NCKAP5: variants seen among roughly 807,000 people sequenced by gnomAD.
The protein encoded by NCKAP5 is nck-associated protein 5.
In NCKAP5, 92 loss-of-function variants were observed where a neutral mutation model predicts 167.0. The observed-to-expected ratio is 0.55, with a 90% CI of 0.47 to 0.66. The LOEUF (loss-of-function observed/expected upper bound fraction) is 0.66, where lower values mean the gene tolerates loss of function less well. Among genes scored for constraint, NCKAP5 ranks in the 30% least tolerant of loss-of-function variants. The pLI is 0.00. For missense variants in NCKAP5, 2,378 were observed against 2,315.0 expected, an observed-to-expected ratio of 1.03 and a Z score of -0.56; for synonymous variants, 891 against 877.4, an observed-to-expected ratio of 1.02 and a Z score of -0.27.
intron 19 of NCKAP5, among the ~76,000 whole-genome samples, chr2:132,680,540 C>A (rs1182200675): frequency 2.0e-5 from 3 of 151,962 alleles, no homozygotes; most frequent in Admixed American, 1.3e-4. Flanking sequence ...CAGTGGGAAG[C>A]TTAGGGTTGT....
chr2:133,106,160 G>T (rs1357670850), intron 6 of NCKAP5, among the ~76,000 whole-genome samples: 1 of 148,532 alleles, frequency 6.7e-6, no homozygotes, highest in Non-Finnish European at 1.5e-5. Context: ...AGGAGTGGTG[G>T]CAGGCGCCTG....
At chr2:133,048,461 G>GA (rs1196386083) in intron 6 of NCKAP5, among the ~76,000 whole-genome samples, 4 of 152,158 alleles carry the variant, frequency 2.6e-5, no homozygotes, top group African/African-American at 9.7e-5. Flanking sequence ...ATTGATGATT[G>GA]AATATATTTT....
chr2:133,392,282 A>T (rs981574005), intron 3 of NCKAP5, among the ~76,000 whole-genome samples: 8 of 152,196 alleles, frequency 5.3e-5, no homozygotes, highest in Non-Finnish European at 1.0e-4. Context: ...TGTAGAACAT[A>T]ACATGCTGTA....
chr2:133,020,586 T>C (rs764572178), intron 6 of NCKAP5, among the ~76,000 whole-genome samples: 3 of 152,194 alleles, frequency 2.0e-5, no homozygotes, highest in African/African-American at 7.2e-5. Context: ...GAGATGCTGG[T>C]TGGGGCACAG....
chr2:132,877,465 G>A (rs542309753), intron 9 of NCKAP5, among the ~76,000 whole-genome samples: 4 of 152,238 alleles, frequency 2.6e-5, no homozygotes, highest in East Asian at 1.9e-4. Flanking sequence ...CAGCATCATC[G>A]GGAGGGCTTG....
In NCKAP5 at chr2:132,718,992, C is replaced by T. The variant is rs562056668; in HGVS notation, c.5713+6635G>A. Among the ~76,000 whole-genome samples, 4 of 152,238 alleles carry T rather than the reference C, an allele frequency of 2.6e-5. 1 individual carries two copies. The South Asian group carries it at 8.3e-4, about 32-fold the overall frequency. ...TGATGAAGGGGCATCCTGAAGACTT[C>T]CTGCTGGGGGTAAAGTCTGAACTGA... On this transcript the variant is annotated intron_variant, in intron 19 of 19. Coordinates refer to ENST00000409261, the MANE Select transcript of NCKAP5 (RefSeq NM_207363.3).
chr2:133,317,621 A>G (rs760644053), intron 3 of NCKAP5, among the ~76,000 whole-genome samples: 6 of 152,070 alleles, frequency 3.9e-5, no homozygotes, highest in Non-Finnish European at 7.4e-5. Context: ...GAGGGCTTCT[A>G]ATGTTATGTG....
At chr2:133,004,452 G>A (rs1367398548) in intron 6 of NCKAP5, among the ~76,000 whole-genome samples, 1 of 152,054 alleles carries the variant, frequency 6.6e-6, no homozygotes, top group East Asian at 1.9e-4. Context: ...CTCTGGGGGT[G>A]GGCATCACAT....
chr2:133,306,978 T>C (rs1036030894), intron 3 of NCKAP5, among the ~76,000 whole-genome samples: 2 of 152,220 alleles, frequency 1.3e-5, no homozygotes, highest in African/African-American at 4.8e-5. Context: ...CATATCCACA[T>C]ATCCCTTGAT....
chr2:133,375,486 TA>T (rs1686081523), intron 3 of NCKAP5, among the ~76,000 whole-genome samples: 1 of 152,340 alleles, frequency 6.6e-6, no homozygotes, highest in Non-Finnish European at 1.5e-5. Flanking sequence ...ATAGGTTTGT[TA>T]AATAGGTAAA....
chr2:133,225,385 G>C (rs1249175665), intron 4 of NCKAP5, among the ~76,000 whole-genome samples: 2 of 152,122 alleles, frequency 1.3e-5, no homozygotes, highest in African/African-American at 2.4e-5. Context: ...ATCTCATTCT[G>C]TCTCTGTTTT....
intron 2 of NCKAP5, among the ~76,000 whole-genome samples, chr2:133,551,125 C>A (rs978637339): frequency 6.6e-6 from 1 of 152,020 alleles, no homozygotes; most frequent in African/African-American, 2.4e-5. Context: ...ACATTCCATG[C>A]TCATGGGTAG....
At chr2:133,656,958 G>T in the NCKAP5 span, among the ~76,000 whole-genome samples, 5 of 146,296 alleles carry the variant, frequency 3.4e-5, no homozygotes, top group African/African-American at 9.9e-5. Context: ...AAAGTCCATT[G>T]TATCATTCTT....
At chr2:133,215,684 C>A (rs1459459730) in intron 4 of NCKAP5, among the ~76,000 whole-genome samples, 1 of 152,076 alleles carries the variant, frequency 6.6e-6, no homozygotes, top group Admixed American at 6.6e-5. Flanking sequence ...TGGAATACTG[C>A]AAATATGCTG....
At chr2:133,359,783 T>C (rs1684975157) in intron 3 of NCKAP5, among the ~76,000 whole-genome samples, 1 of 152,240 alleles carries the variant, frequency 6.6e-6, no homozygotes, top group Non-Finnish European at 1.5e-5. Context: ...TCACTAATAC[T>C]ATATATTTGG....
At chr2:132,880,403 G>T (rs1222555197) in intron 8 of NCKAP5, among the ~76,000 whole-genome samples, 1 of 152,184 alleles carries the variant, frequency 6.6e-6, no homozygotes, top group East Asian at 1.9e-4. Context: ...GCAGAGGCAG[G>T]TGCATCACTA....
At chr2:133,611,549 T>C in the NCKAP5 span, among the ~76,000 whole-genome samples, 1 of 152,182 alleles carries the variant, frequency 6.6e-6, no homozygotes, top group African/African-American at 2.4e-5. Context: ...CTAAAAGGTG[T>C]CCAGTGGGGT....
At chr2:133,523,008 A>G (rs1038720353) in intron 2 of NCKAP5, among the ~76,000 whole-genome samples, 2 of 152,112 alleles carry the variant, frequency 1.3e-5, no homozygotes, top group African/African-American at 4.8e-5. Flanking sequence ...ATAGTTATTG[A>G]TACTAATCTT....
At chr2:133,203,514 A>G (rs1293197267) in intron 5 of NCKAP5, among the ~76,000 whole-genome samples, 1 of 152,158 alleles carries the variant, frequency 6.6e-6, no homozygotes, top group Non-Finnish European at 1.5e-5. Flanking sequence ...CATTGTGCAC[A>G]TGTACCCTAG....
Sources: gnomAD v4.1 joint callset for allele counts (sites outside exome capture counted in the v4.1 genomes callset) on GRCh38, gnomAD v4.1.1 for gene constraint, MANE v1.5 for transcripts, NCBI Gene and HGNC (gene_info 2026-07-23, HGNC 2026-07-21) for gene names.